Variants in PLA2G5 observed in about 807,000 individuals in gnomAD.
PLA2G5 encodes the protein phospholipase A2 group V, also known as Ca2+-dependent phospholipase A2.
PLA2G5 carries 12 observed loss-of-function variants against 15.9 expected under a neutral mutation model. The observed-to-expected ratio is 0.76, with a 90% CI of 0.48 to 1.23. The LOEUF is 1.23. PLA2G5 is among the 50% of genes most tolerant of loss of function. PLA2G5 has a pLI of 0.00. For missense variants in PLA2G5, 169 were observed against 177.1 expected (o/e 0.95, Z 0.26); for synonymous variants, 71 against 71.4 (o/e 0.99, Z 0.03).
intron 1 of PLA2G5, among the ~76,000 whole-genome samples, chr1:20,043,705 A>T (rs546104417): frequency 6.6e-6 from 1 of 152,294 alleles, no homozygotes; most frequent in African/African-American, 2.4e-5. Context: ...AGTGCATAAA[A>T]GAATGTTGTC....
At chr1:20,065,834 T>C (rs1345130974), upstream of PLA2G5, among the ~76,000 whole-genome samples, 1 of 152,224 alleles carries the variant, frequency 6.6e-6, no homozygotes, top group Non-Finnish European at 1.5e-5. Context: ...ACACTATATT[T>C]AGCTTTGTAA....
chr1:20,060,997 A>G (rs991195764), intron 2 of PLA2G5, among the ~76,000 whole-genome samples: 26 of 152,184 alleles, frequency 1.7e-4, no homozygotes, highest in African/African-American at 4.8e-4. Context: ...GATTACAGGC[A>G]TGAGCCATCG....
intron 1 of PLA2G5, among the ~76,000 whole-genome samples, chr1:20,041,930 T>C (rs2013624881): frequency 6.6e-6 from 1 of 152,204 alleles, no homozygotes; most frequent in African/African-American, 2.4e-5. Context: ...TGATGTCTTT[T>C]GATGGCCCTT....
chr1:20,030,198 A>G (rs1442277239), intron 1 of PLA2G5, among the ~76,000 whole-genome samples: 1 of 152,022 alleles, frequency 6.6e-6, no homozygotes, highest in Non-Finnish European at 1.5e-5. Context: ...GAGTTCCCTC[A>G]GTATTTATTG....
At chr1:20,088,468 G>A (rs2016404932) in intron 3 of PLA2G5, among the ~76,000 whole-genome samples, 1 of 148,726 alleles carries the variant, frequency 6.7e-6, no homozygotes, top group East Asian at 1.9e-4. Flanking sequence ...AATCAATTAT[G>A]GCTTTTTTTT....
At chr1:20,070,979 C>T (rs1569770235) in intron 1 of PLA2G5, 2 of 152,326 alleles carry the variant, frequency 1.3e-5, no homozygotes, top group Admixed American at 1.3e-4. Context: ...TTTCTCCTCC[C>T]TTCCTCCATC....
Position 20,089,801 on chromosome 1 carries a change from G to A in PLA2G5, c.198G>A (p.Ala66=), listed in dbSNP as rs1027706069. The change falls in exon 4 of 5, where the codon GCG becomes GCA. Residue 66 remains alanine (A), a synonymous_variant. Transcript: ENST00000375108. ...PKDGTDWCCW[A]HDHCYGRLEE... is the part of the protein sequence containing the mutation. ...CTTGCACGGACAGGTGCTGTTGGGC[G>A]CATGACCACTGCTATGGGCGGCTGG... is the stretch of plus-strand genomic sequence containing the variant. The A allele has an allele frequency of 3.1e-6, 5 of 1,613,760 alleles. No homozygotes were observed. The highest frequency in any genetic ancestry group is 1.7e-5 in the Admixed American group (1 of 60,004).
At chr1:20,057,013 T>C (rs1476131333) in intron 1 of PLA2G5, among the ~76,000 whole-genome samples, 1 of 152,192 alleles carries the variant, frequency 6.6e-6, no homozygotes, top group Non-Finnish European at 1.5e-5. Flanking sequence ...GAGTTGTTTA[T>C]AATATTACTT....
At chr1:20,087,339 G>A (rs2016340799) in intron 3 of PLA2G5, among the ~76,000 whole-genome samples, 1 of 152,154 alleles carries the variant, frequency 6.6e-6, no homozygotes, top group African/African-American at 2.4e-5. Context: ...AAAATCTGCA[G>A]ATGCTCTAGT....
At chr1:20,032,234 A>G (rs2012994486) in intron 1 of PLA2G5, among the ~76,000 whole-genome samples, 1 of 152,154 alleles carries the variant, frequency 6.6e-6, no homozygotes, top group African/African-American at 2.4e-5. Context: ...AGTCTTCGCT[A>G]GCTATTGGTT....
chr1:20,059,101 T>G (rs1569716590), intron 1 of PLA2G5, among the ~76,000 whole-genome samples: 1 of 113,540 alleles, frequency 8.8e-6, no homozygotes, highest in African/African-American at 3.6e-5. Flanking sequence ...CCAGACTGGG[T>G]GATAGAGTGA....
intron 1 of PLA2G5, among the ~76,000 whole-genome samples, chr1:20,043,477 G>T (rs977524078): frequency 6.6e-6 from 1 of 152,084 alleles, no homozygotes; most frequent in Non-Finnish European, 1.5e-5. Flanking sequence ...GGTTAGTAAT[G>T]GGTGTGTGAT....
chr1:20,064,938 T>C (rs545421733), intron 2 of PLA2G5, among the ~76,000 whole-genome samples: 6 of 152,170 alleles, frequency 3.9e-5, no homozygotes, highest in Non-Finnish European at 8.8e-5. Context: ...GATCCCCCAG[T>C]TGACTTGTAG....
chr1:20,077,951 A>T (rs981817143), intron 1 of PLA2G5, among the ~76,000 whole-genome samples: 4 of 152,156 alleles, frequency 2.6e-5, no homozygotes, highest in Non-Finnish European at 5.9e-5. Flanking sequence ...TAAGAGCTAA[A>T]TCCCTGAACT....
At chr1:20,054,677 A>G (rs895192202) in intron 1 of PLA2G5, 2 of 152,032 alleles carry the variant, frequency 1.3e-5, no homozygotes, top group Non-Finnish European at 2.9e-5. Context: ...GGGATGTACT[A>G]TAATTTTTCC....
intron 1 of PLA2G5, among the ~76,000 whole-genome samples, chr1:20,077,337 A>G (rs2015742190): frequency 1.3e-5 from 2 of 152,232 alleles, no homozygotes; most frequent in Admixed American, 1.3e-4. Context: ...TTATTGGGAT[A>G]GAATATCAGA....
chr1:20,043,030 A>T (rs762418149), intron 1 of PLA2G5, among the ~76,000 whole-genome samples: 2 of 152,144 alleles, frequency 1.3e-5, no homozygotes, highest in Non-Finnish European at 1.5e-5. Context: ...GACTGAAGTA[A>T]TGGGGGCTGT....
upstream of PLA2G5, among the ~76,000 whole-genome samples, chr1:20,065,251 AT>A (rs771346467): frequency 1.3e-5 from 2 of 152,246 alleles, no homozygotes; most frequent in African/African-American, 2.4e-5. Context: ...ACTTGTTAAA[AT>A]TGACTCAATA....
At chr1:20,064,776 G>A (rs1365844287) in intron 2 of PLA2G5, among the ~76,000 whole-genome samples, 2 of 151,972 alleles carry the variant, frequency 1.3e-5, no homozygotes, top group African/African-American at 2.4e-5. Flanking sequence ...GTGGAGTCTG[G>A]GTCTCCAGTC....
Sources: gnomAD v4.1 joint callset for allele counts (sites outside exome capture counted in the v4.1 genomes callset) on GRCh38, gnomAD v4.1.1 for gene constraint, MANE v1.5 for transcripts, NCBI Gene and HGNC (gene_info 2026-07-23, HGNC 2026-07-21) for gene names.